Variants in LAMA2 observed in about 807,000 individuals in gnomAD.
LAMA2 encodes laminin subunit alpha-2.
In LAMA2, 269 loss-of-function variants were observed where a neutral mutation model predicts 364.8. The observed-to-expected ratio is 0.74, with a 90% CI of 0.67 to 0.82. The LOEUF is 0.82. Among genes scored for constraint, LAMA2 ranks in the 40% least tolerant of loss-of-function variants. The pLI, the probability that LAMA2 is intolerant of heterozygous loss-of-function variation, is 0.00. For missense variants in LAMA2, 3,807 were observed against 3,873.2 expected, an observed-to-expected ratio of 0.98 and a Z score of 0.45; for synonymous variants, 1,379 against 1,370.6, an observed-to-expected ratio of 1.01 and a Z score of -0.14.
At chr6:129,383,427 C>T (rs764316571) in intron 35 of LAMA2, among the ~76,000 whole-genome samples, 194 bp downstream of exon 35, 5 of 152,038 alleles carry the variant, frequency 3.3e-5, no homozygotes, top group East Asian at 3.9e-4. Context: ...GTTAAATTAG[C>T]GACAATAGTG....
chr6:129,211,639 A>G (rs943195227), intron 12 of LAMA2, among the ~76,000 whole-genome samples: 1 of 152,164 alleles, frequency 6.6e-6, no homozygotes, highest in Non-Finnish European at 1.5e-5. Flanking sequence ...TCAGTACGGG[A>G]TTTCTTTCTA....
At chr6:128,909,398 C>T (rs1226744478) in intron 1 of LAMA2, among the ~76,000 whole-genome samples, 3 of 151,668 alleles carry the variant, frequency 2.0e-5, no homozygotes, top group Non-Finnish European at 2.9e-5. Context: ...TAATGGCCTT[C>T]TTTGTCTCTT....
intron 9 of LAMA2, among the ~76,000 whole-genome samples, chr6:129,173,690 G>A (rs1182244618): frequency 6.6e-6 from 1 of 152,090 alleles, no homozygotes; most frequent in East Asian, 1.9e-4. Flanking sequence ...CATATTTGTA[G>A]GTCATTTTTA....
At chr6:129,031,393 T>G (rs1465903238) in intron 1 of LAMA2, among the ~76,000 whole-genome samples, 1 of 150,758 alleles carries the variant, frequency 6.6e-6, no homozygotes, top group Non-Finnish European at 1.5e-5. Context: ...TTCCAGAAGC[T>G]GGGGGTGGGG....
chr6:129,012,209 C>A (rs1477194463), intron 1 of LAMA2, among the ~76,000 whole-genome samples: 2 of 152,124 alleles, frequency 1.3e-5, no homozygotes, highest in Non-Finnish European at 2.9e-5. Context: ...TTTAAAATTT[C>A]TTCAGCTATA....
intron 14 of LAMA2, among the ~76,000 whole-genome samples, chr6:129,257,536 T>C (rs1470681300): frequency 6.6e-6 from 1 of 152,126 alleles, no homozygotes; most frequent in East Asian, 1.9e-4. Context: ...TTTCCAGAAC[T>C]CTTTGTTTAA....
At chr6:129,408,068 C>G (rs1044099825) in intron 40 of LAMA2, among the ~76,000 whole-genome samples, 5 of 152,122 alleles carry the variant, frequency 3.3e-5, no homozygotes, top group African/African-American at 7.2e-5. Context: ...CCCTCTGGAA[C>G]TAAGATGTCT....
chr6:129,142,585 G>T (rs1466197909), intron 4 of LAMA2, among the ~76,000 whole-genome samples: 21 of 152,048 alleles, frequency 1.4e-4, no homozygotes, highest in Admixed American at 1.4e-3. Flanking sequence ...CTGTAATATA[G>T]TATCTGTATT....
At chr6:129,486,442 G>A in intron 55 of LAMA2, 32 bp from the exon 56 acceptor site, 1 of 1,610,116 alleles carries the variant, frequency 6.2e-7, no homozygotes. Context: ...TGAGACTTCT[G>A]TTTAATCTTC....
At chr6:129,038,953 A>T (rs1357065555) in intron 1 of LAMA2, among the ~76,000 whole-genome samples, 1 of 152,208 alleles carries the variant, frequency 6.6e-6, no homozygotes, top group African/African-American at 2.4e-5. Flanking sequence ...ATTTCCACCA[A>T]ATTAAAGGTC....
intron 12 of LAMA2, among the ~76,000 whole-genome samples, chr6:129,213,414 A>G (rs1783226716): frequency 6.6e-6 from 1 of 152,210 alleles, no homozygotes; most frequent in African/African-American, 2.4e-5. Context: ...TTACTGGATC[A>G]TATGGTCAGA....
At chr6:129,434,486 T>C (rs895161810) in intron 41 of LAMA2, among the ~76,000 whole-genome samples, 3 of 152,128 alleles carry the variant, frequency 2.0e-5, no homozygotes, top group Non-Finnish European at 4.4e-5. Context: ...GCTTCTGTTA[T>C]TGGGTTTGAG....
At chr6:129,210,475 T>G (rs1783024504) in intron 12 of LAMA2, among the ~76,000 whole-genome samples, 1 of 152,122 alleles carries the variant, frequency 6.6e-6, no homozygotes, top group Middle Eastern at 3.2e-3. Context: ...AAGCAGCTAT[T>G]TTTAAAGAAA....
At chr6:129,472,876 T>C (rs1340070713) in intron 51 of LAMA2, among the ~76,000 whole-genome samples, 1 of 151,998 alleles carries the variant, frequency 6.6e-6, no homozygotes, top group Admixed American at 6.6e-5. Context: ...TTATTTAGCA[T>C]TTTTAACCTT....
intron 12 of LAMA2, among the ~76,000 whole-genome samples, chr6:129,194,826 G>C (rs760145957): frequency 6.6e-6 from 1 of 152,106 alleles, no homozygotes; most frequent in Non-Finnish European, 1.5e-5. Flanking sequence ...GTCACATCAC[G>C]TAAATTATAG....
rs149512197 is a variant in LAMA2, at chr6:129,366,156, C to G, written c.4718-63C>G. The G allele has an allele frequency of 2.6e-6, 4 of 1,559,042 alleles. No homozygotes were observed. The African/African-American group carries it at 5.4e-5, about 21-fold the overall frequency. ...CCATAAAATATTTCATAGCTGAATTCTTTGAACATCTGCCTGGGATGTTTA... is the reference window on the plus strand; with the variant it reads ...CCATAAAATATTTCATAGCTGAATTGTTTGAACATCTGCCTGGGATGTTTA... On this transcript the variant is annotated intron_variant, in intron 32 of 64. Transcript: ENST00000421865.
rs1780685621 is a variant in LAMA2, at chr6:129,177,749, T to C, written c.1350T>C (p.Gly450=). 1.2e-6 allele frequency: 2 copies of C among 1,613,972 alleles called. No homozygotes were observed. The highest frequency in any genetic ancestry group is 1.7e-6 in the Non-Finnish European group (2 of 1,179,948). ...GTCATTGCAAAACTGGTTTTGGAGG[T>C]GTGAGCTGTGATCGGTGTGCCAGGG... is the stretch of plus-strand genomic sequence containing the variant. The part of the protein sequence containing the change: ...GSCHCKTGFG[G]VSCDRCARGY... The change falls in exon 10 of 65, where the codon GGT becomes GGC. Residue 450 remains glycine (G), a synonymous_variant. Transcript: ENST00000421865.
At chr6:128,933,756 G>T (rs780014116) in intron 1 of LAMA2, among the ~76,000 whole-genome samples, 18 of 152,068 alleles carry the variant, frequency 1.2e-4, no homozygotes, top group Non-Finnish European at 2.5e-4. Context: ...GATATGTTTA[G>T]GTCCTTTGTC....
At chr6:129,314,519 G>C (rs985776074) in intron 23 of LAMA2, 136 bp from the exon 24 acceptor site, 31 of 734,692 alleles carry the variant, frequency 4.2e-5, no homozygotes, top group Non-Finnish European at 7.1e-5. Context: ...CATTTGAGAT[G>C]TGAGTCTAAT....
Sources: gnomAD v4.1 joint callset for allele counts (sites outside exome capture counted in the v4.1 genomes callset) on GRCh38, gnomAD v4.1.1 for gene constraint, MANE v1.5 for transcripts, NCBI Gene and HGNC (gene_info 2026-07-23, HGNC 2026-07-21) for gene names.